The following NFAT5 variants were observed in gnomAD, a reference collection of about 807,000 sequenced individuals.
NFAT5 encodes the protein nuclear factor of activated T-cells 5.
In NFAT5, 31 loss-of-function variants were observed where a neutral mutation model predicts 166.5. The ratio of observed to expected loss-of-function variants is 0.19; its 90% CI spans 0.14 to 0.25. NFAT5 has a LOEUF of 0.25. Ranked by LOEUF, NFAT5 falls within the 10% of genes least tolerant of loss-of-function variation. The probability of loss-of-function intolerance (pLI) is 1.00; values close to 1 mark genes in which losing one functional copy is unlikely to be tolerated. For missense variants in NFAT5, 1,449 were observed against 1,821.8 expected (o/e 0.80, Z 3.72); for synonymous variants, 612 against 639.7 (o/e 0.96, Z 0.65).
rs779718608 is a variant in NFAT5, at chr16:69,692,806, C to T, written c.2981C>T (p.Thr994Ile). 39 of 1,614,210 alleles carry T rather than the reference C, an allele frequency of 2.4e-5. No homozygotes were observed. The South Asian group carries it at 4.3e-4, about 18-fold the overall frequency. The change falls in exon 13 of 15, where the codon ACC (threonine) becomes ATC (isoleucine). Residue 994 changes from threonine to isoleucine, a missense_variant. Thr to Ile is a moderately conservative substitution (Grantham distance 89, BLOSUM62 -1). Around this residue, in one of 7 missense-constraint regions of NFAT5, gnomAD observed 891 missense variants for 993.0 expected, o/e 0.90. Coordinates refer to ENST00000349945, the MANE Select transcript of NFAT5 (RefSeq NM_138713.4). ...TSTTTTQQVA[T>I]PGTTMFQTSS... is the part of the protein sequence containing the mutation. ...ACAACTACCACACAGCAGGTTGCAA[C>T]CCCTGGCACTACCATGTTTCAGACA...
intron 2 of NFAT5, among the ~76,000 whole-genome samples, chr16:69,613,399 G>A (rs948537002): frequency 2.0e-5 from 3 of 152,030 alleles, no homozygotes; most frequent in South Asian, 2.1e-4. Context: ...ACCCTCAAAG[G>A]CTCCCTGTGT....
In NFAT5 at chr16:69,647,802, T is replaced by C. The variant is rs1410705622; in HGVS notation, c.812+216T>C. 6.6e-6 allele frequency among the ~76,000 whole-genome samples: 1 copy of C among 152,136 alleles called. No homozygotes were observed. Among genetic ancestry groups the C allele is most frequent in the Non-Finnish European group, 1.5e-5 (1 of 68,022 alleles). Reference sequence around the variant, plus strand: ...TAGATTCTAGCAATAGATATCTTATTATCAGTATAGTTAGGTAGTAGAAAA... The same window carrying C: ...TAGATTCTAGCAATAGATATCTTATCATCAGTATAGTTAGGTAGTAGAAAA... On this transcript the variant is annotated intron_variant, in intron 4 of 14. Transcript: ENST00000349945. This position sits in a 1 kb window ranked among gnomAD's most constrained non-coding sequence, Gnocchi z 4.8.
chr16:69,607,492 T>C (rs2033477016), intron 2 of NFAT5, among the ~76,000 whole-genome samples: 1 of 152,242 alleles, frequency 6.6e-6, no homozygotes. Flanking sequence ...AAAATTTATG[T>C]GCTTTTAACA....
rs565843092 is a variant in NFAT5, at chr16:69,656,786, A to C, written c.1196+987A>C. 4.6e-5 allele frequency among the ~76,000 whole-genome samples: 7 copies of C among 152,310 alleles called. No individual in the cohort carries two copies. In the South Asian group the frequency reaches 1.4e-3, roughly 32 times the overall value. On this transcript the variant is annotated intron_variant, in intron 6 of 14. Transcript: ENST00000349945. Reference sequence around the variant, plus strand: ...TTCAGCAGAGACTATGAAGTGCCTTATTCCATCTTGATGTGAAACACATAT... The same window carrying C: ...TTCAGCAGAGACTATGAAGTGCCTTCTTCCATCTTGATGTGAAACACATAT...
intron 7 of NFAT5, among the ~76,000 whole-genome samples, chr16:69,662,886 A>G (rs1221523540): frequency 6.9e-6 from 1 of 144,916 alleles, no homozygotes; most frequent in Non-Finnish European, 1.5e-5. Context: ...GAAAAGAAGA[A>G]TAAACATAAA....
At chr16:69,612,883 T>A (rs1435973786) in intron 2 of NFAT5, among the ~76,000 whole-genome samples, 2 of 149,970 alleles carry the variant, frequency 1.3e-5, no homozygotes, top group Non-Finnish European at 3.0e-5. Context: ...AAGGCAAAAC[T>A]GTAGTTCTAG....
chr16:69,692,049 T>A lies in NFAT5; in HGVS notation c.2224T>A (p.Ser742Thr). 1.2e-6 allele frequency: 2 copies of A among 1,614,116 alleles called. No individual in the cohort carries two copies. The highest frequency in any genetic ancestry group is 1.7e-6 in the Non-Finnish European group (2 of 1,180,036). Residue 742 changes from serine to threonine, a missense_variant, in exon 13 of 15, where the codon TCA becomes ACA. Transcript: ENST00000349945. ...RETQSREILQ[S>T]DGTVVNLSQL... ...AACTCAGTCTAGAGAGATATTACAG[T>A]CAGATGGTACAGTGGTTAATTTGTC...
intron 2 of NFAT5, among the ~76,000 whole-genome samples, chr16:69,570,709 C>T (rs2016377969): frequency 6.6e-6 from 1 of 152,128 alleles, no homozygotes; most frequent in Non-Finnish European, 1.5e-5. Flanking sequence ...CAGAGTGCTG[C>T]AGGAGGCTAC....
intron 2 of NFAT5, among the ~76,000 whole-genome samples, chr16:69,587,944 CTT>C (rs61460423): frequency 0.033 from 2,211 of 67,998 alleles, 43 homozygotes; most frequent in African/African-American, 0.12. Context: ...ATAGTGCTTT[CTT>C]TTTTTTTTTT....
rs879078034 is a variant in NFAT5, at chr16:69,659,887, C to T, written c.1357C>T (p.Pro453Ser). The T allele has an allele frequency of 1.2e-6, 2 of 1,604,434 alleles. No homozygotes were observed. Among genetic ancestry groups the T allele is most frequent in the Non-Finnish European group, 1.7e-6 (2 of 1,174,860 alleles). ...STLTLQTPSSPILCTQPAGVP... is the reference protein window; with the variant it reads ...STLTLQTPSSSILCTQPAGVP... ...TTTGACACTGCAAACACCCTCTTCT[C>T]CAATTTTGTGTAGTAAGTAAGAAGA... The change falls in exon 7 of 15, where the codon CCA becomes TCA. Residue 453 changes from proline to serine, a missense_variant. By Grantham distance (74) the Pro-to-Ser change is moderately conservative. Around this residue, in one of 7 missense-constraint regions of NFAT5, gnomAD observed 245 missense variants for 366.6 expected, o/e 0.67. Transcript: ENST00000349945.
chr16:69,675,052 T>G (rs905773912), intron 9 of NFAT5, among the ~76,000 whole-genome samples: 1 of 152,218 alleles, frequency 6.6e-6, no homozygotes, highest in Non-Finnish European at 1.5e-5. Context: ...GTTTACCTAA[T>G]TTTTAATTCA....
At position 69,678,245 on chromosome 16, in the gene NFAT5, C is replaced by T. The variant is rs376669819; in HGVS notation, c.1690+910C>T. Among the ~76,000 whole-genome samples, 44 of 151,232 alleles carry T rather than the reference C, an allele frequency of 2.9e-4. No individual in the cohort carries two copies. In the South Asian group the frequency reaches 5.5e-3, roughly 19 times the overall value. ...TGCATGTGAGTGGGAGACGGAGTCT[C>T]GCTGTGTCGCCCAGGCTGGAGTGCA... On this transcript the variant is annotated intron_variant, in intron 10 of 14. Coordinates refer to ENST00000349945, the MANE Select transcript of NFAT5 (RefSeq NM_138713.4).
chr16:69,690,848 A>G (rs2037517328), intron 11 of NFAT5, 92 bp from the exon 12 acceptor site: 2 of 1,088,176 alleles, frequency 1.8e-6, no homozygotes, highest in Non-Finnish European at 2.5e-6. Flanking sequence ...AAAAATAGAC[A>G]TTTAAATCAT....
At chr16:69,663,638 G>C (rs991990053) in intron 7 of NFAT5, among the ~76,000 whole-genome samples, 1 of 151,508 alleles carries the variant, frequency 6.6e-6, no homozygotes, top group African/African-American at 2.4e-5. Context: ...GGGAGGGCGA[G>C]GTAGGAAGAT....
At chr16:69,567,775 G>C (rs2016156661) in intron 1 of NFAT5, among the ~76,000 whole-genome samples, 1 of 151,798 alleles carries the variant, frequency 6.6e-6, no homozygotes. Context: ...AAATATTGTA[G>C]TTTTGAATGT....
At chr16:69,638,538 A>T (rs2035066660) in intron 3 of NFAT5, among the ~76,000 whole-genome samples, 1 of 152,178 alleles carries the variant, frequency 6.6e-6, no homozygotes, top group African/African-American at 2.4e-5. Context: ...GTTCAAGACC[A>T]GCCTGGCCAA....
chr16:69,586,249 C>T (rs1450134308), intron 2 of NFAT5, among the ~76,000 whole-genome samples: 1 of 152,116 alleles, frequency 6.6e-6, no homozygotes, highest in Non-Finnish European at 1.5e-5. Context: ...GACCCAAAAT[C>T]TTTAGCTTTA....
chr16:69,581,206 A>C (rs1334465119), intron 2 of NFAT5, among the ~76,000 whole-genome samples: 1 of 152,052 alleles, frequency 6.6e-6, no homozygotes, highest in Non-Finnish European at 1.5e-5. Context: ...ACGCCAGGCT[A>C]ATTTTTTGTA....
intron 2 of NFAT5, among the ~76,000 whole-genome samples, chr16:69,571,147 A>C (rs2016410305): frequency 6.7e-6 from 1 of 148,340 alleles, no homozygotes; most frequent in African/African-American, 2.5e-5. Context: ...AAAAAAAAAA[A>C]AAAAAAAAAA....
Sources: gnomAD v4.1 joint callset for allele counts (sites outside exome capture counted in the v4.1 genomes callset) on GRCh38, gnomAD v4.1.1 for gene constraint, gnomAD v4.1.1 regional missense constraint, Gnocchi (gnomAD v3.1) non-coding constraint, MANE v1.5 for transcripts, NCBI Gene and HGNC (gene_info 2026-07-23, HGNC 2026-07-21) for gene names.